Variants in PPP2R1B observed in about 807,000 individuals in gnomAD.
The protein encoded by PPP2R1B is serine/threonine-protein phosphatase 2A 65 kDa regulatory subunit A beta isoform.
PPP2R1B carries 58 observed loss-of-function variants against 72.7 expected under a neutral mutation model. That is an observed-to-expected ratio of 0.80 (90% confidence interval 0.65 to 0.99). The LOEUF (loss-of-function observed/expected upper bound fraction) is 0.99, where lower values mean the gene tolerates loss of function less well. PPP2R1B is among the 50% of genes least tolerant of loss of function. The pLI is 0.00. For missense variants in PPP2R1B, 695 were observed against 733.6 expected, an observed-to-expected ratio of 0.95 and a Z score of 0.61; for synonymous variants, 256 against 264.6, an observed-to-expected ratio of 0.97 and a Z score of 0.32.
intron 3 of PPP2R1B, among the ~76,000 whole-genome samples, chr11:111,763,868 C>CTATA (rs199583320): frequency 8.0e-5 from 12 of 149,976 alleles, no homozygotes; most frequent in East Asian, 5.9e-4. Context: ...CTCTCTCTCT[C>CTATA]TATATATATA....
chr11:111,720,059 A>C, the PPP2R1B span: 1 of 1,534,924 alleles, frequency 6.5e-7, no homozygotes, highest in Non-Finnish European at 8.9e-7. Flanking sequence ...TCATACTCCA[A>C]TTGCCAACAA....
downstream of PPP2R1B, among the ~76,000 whole-genome samples, chr11:111,734,893 G>C (rs1944295264): frequency 6.6e-6 from 1 of 152,250 alleles, no homozygotes; most frequent in Admixed American, 6.5e-5. Context: ...CTAGATGCTA[G>C]AGGCTGGCTC....
rs763551231 is a variant in PPP2R1B at position 111,743,492 on chromosome 11, T to C, written c.1438A>G (p.Lys480Glu). ...TCTGTACCAAACTTCTGAACTAGTT[T>C]CATGAGGTTGTTGGTGGCAGCTTCT... Reference protein sequence around the residue: ...IREAATNNLMKLVQKFGTEWA... With the variant: ...IREAATNNLMELVQKFGTEWA... The change falls in exon 12 of 15, where the codon AAA (lysine) becomes GAA (glutamate). Residue 480 changes from lysine (K) to glutamate (E), a missense_variant. Transcript: ENST00000527614. 2.5e-6 allele frequency: 4 copies of C among 1,614,096 alleles called. No individual in the cohort carries two copies. The highest frequency in any genetic ancestry group is 4.5e-5 in the East Asian group (2 of 44,880).
intron 3 of PPP2R1B, among the ~76,000 whole-genome samples, chr11:111,761,954 T>C (rs1222296773): frequency 6.7e-6 from 1 of 149,694 alleles, no homozygotes; most frequent in East Asian, 1.9e-4. Context: ...AGTGAGGCTC[T>C]TGTCTCAAAA....
the PPP2R1B span, chr11:111,712,266 G>C: frequency 6.2e-7 from 1 of 1,614,166 alleles, no homozygotes; most frequent in Non-Finnish European, 8.5e-7. Context: ...AGGCTGCTGC[G>C]ATCTGCCCTC....
Position 111,739,843 on chromosome 11 carries a change from G to A in PPP2R1B, c.*1753C>T, listed in dbSNP as rs1233611740. On this transcript the variant is annotated 3_prime_UTR_variant, in exon 15 of 15. Coordinates refer to ENST00000527614, the MANE Select transcript of PPP2R1B (RefSeq NM_002716.5). ...AATGAGAATATAGAAAAAGATTTGT[G>A]CTTAGGAAAATACTTAATTCTTGGC... is the stretch of plus-strand genomic sequence containing the variant. The A allele has an allele frequency of 3.1e-6, 3 of 975,384 alleles. No individual in the cohort carries two copies. Among genetic ancestry groups the A allele is most frequent in the Admixed American group, 6.1e-5 (1 of 16,268 alleles). The allele number at this position is 975,384 out of a possible 1,614,324, so 60.4% of individuals were successfully genotyped here.
chr11:111,703,124 C>CAA, the PPP2R1B span: 1 of 1,315,402 alleles, frequency 7.6e-7, no homozygotes, highest in South Asian at 1.2e-5. Flanking sequence ...CACCCTTGTA[C>CAA]AAAGTCACAT....
chr11:111,722,712 C>A, downstream of PPP2R1B: 1 of 1,614,154 alleles, frequency 6.2e-7, no homozygotes, highest in Non-Finnish European at 8.5e-7. This position sits in a 1 kb window ranked among gnomAD's most constrained non-coding sequence, Gnocchi z 4.4. Context: ...AGCTTTATTG[C>A]AAAGAACCAC....
At chr11:111,757,830 C>T (rs1214375699) in intron 5 of PPP2R1B, among the ~76,000 whole-genome samples, 41 of 138,744 alleles carry the variant, frequency 3.0e-4, no homozygotes, top group African/African-American at 1.1e-3. Flanking sequence ...AGTGAAACTC[C>T]ATCTCAAAAA....
At chr11:111,736,639 A>T (rs902776561), downstream of PPP2R1B, among the ~76,000 whole-genome samples, 14 of 152,206 alleles carry the variant, frequency 9.2e-5, no homozygotes, top group African/African-American at 3.4e-4. Flanking sequence ...ATGTTCTAAG[A>T]TGAGTGACTG....
intron 11 of PPP2R1B, among the ~76,000 whole-genome samples, chr11:111,743,899 G>T (rs1944610705): frequency 6.6e-6 from 1 of 152,250 alleles, no homozygotes; most frequent in Non-Finnish European, 1.5e-5. Context: ...TTAGAATGAA[G>T]TGTGGCATTG....
rs782317533 is a variant in PPP2R1B, at chr11:111,764,877, T to C, written c.234A>G (p.Leu78=). 3.1e-6 allele frequency: 5 copies of C among 1,614,096 alleles called. No homozygotes were observed. Among genetic ancestry groups the C allele is most frequent in the East Asian group, 2.2e-5 (1 of 44,886 alleles). ...TTCCCAGCTGCTCAGCAAGAGCTAA[T>C]AGTACCTCATCTTCATCATAAATTG... ...TDTIYDEDEV[L]LALAEQLGNF... The change falls in exon 3 of 15, where the codon CTA becomes CTG. Residue 78 remains leucine, a synonymous_variant. Transcript: ENST00000527614.
chr11:111,746,230 C>T (rs1944698519), intron 11 of PPP2R1B, among the ~76,000 whole-genome samples: 1 of 150,544 alleles, frequency 6.6e-6, no homozygotes, highest in Admixed American at 6.7e-5. Context: ...ACCCAAATGC[C>T]CATCAATGAC....
intron 15 of PPP2R1B, chr11:111,730,254 C>A (rs1944142895): frequency 6.6e-6 from 1 of 152,246 alleles, no homozygotes; most frequent in Non-Finnish European, 1.5e-5. Flanking sequence ...TCACATTCCC[C>A]AGTGCAGATA....
At chr11:111,747,605 C>A (rs931945102) in intron 11 of PPP2R1B, among the ~76,000 whole-genome samples, 1 of 152,136 alleles carries the variant, frequency 6.6e-6, no homozygotes, top group Admixed American at 6.5e-5. Context: ...CTCCATACAA[C>A]CTAGTGTATA....
intron 1 of PPP2R1B, chr11:111,765,760 C>A (rs1555052838): frequency 6.3e-6 from 3 of 478,348 alleles, no homozygotes; most frequent in South Asian, 1.5e-5. Flanking sequence ...ATACACTACT[C>A]GTCCAGATTA....
At chr11:111,708,498 A>G in the PPP2R1B span, among the ~76,000 whole-genome samples, 1 of 152,156 alleles carries the variant, frequency 6.6e-6, no homozygotes, top group Non-Finnish European at 1.5e-5. Flanking sequence ...TGCAGGAAGT[A>G]TTAGATCTAA....
In PPP2R1B at chr11:111,754,525, T is replaced by A; in HGVS notation, c.1003A>T (p.Met335Leu). 1 of 1,603,366 alleles carries A rather than the reference T, an allele frequency of 6.2e-7. No individual in the cohort carries two copies. ...LPIEDRETII[M>L]NQILPYIKEL... ...TTTATATAAGGCAGAATTTGATTCA[T>A]AATTATGGTCTCTCTATCTTCAATG... Residue 335 changes from methionine (M) to leucine (L), a missense_variant, in exon 8 of 15, where the codon ATG (methionine) becomes TTG (leucine). Transcript: ENST00000527614.
chr11:111,752,697 C>A (rs1051296498), intron 9 of PPP2R1B, among the ~76,000 whole-genome samples: 1 of 152,088 alleles, frequency 6.6e-6, no homozygotes, highest in Non-Finnish European at 1.5e-5. Flanking sequence ...GATAATTGGC[C>A]GGGTGCGGTG....
Sources: allele counts gnomAD v4.1 joint callset (sites outside exome capture counted in the v4.1 genomes callset), GRCh38; gene constraint gnomAD v4.1.1; non-coding constraint Gnocchi (gnomAD v3.1); transcripts MANE v1.5; gene names NCBI Gene and HGNC (gene_info 2026-07-23, HGNC 2026-07-21).